Variants in ASTN2 observed in about 807,000 individuals in gnomAD.
The protein encoded by ASTN2 is astrotactin-2.
In ASTN2, 54 loss-of-function variants were observed where a neutral mutation model predicts 139.8. The observed-to-expected ratio is 0.39, with a 90% CI of 0.31 to 0.48. The LOEUF is 0.48. Among genes scored for constraint, ASTN2 ranks in the 20% least tolerant of loss-of-function variants. ASTN2 has a pLI of 0.95. For synonymous variants in ASTN2, 756 were observed against 719.5 expected, an observed-to-expected ratio of 1.05 and a Z score of -0.81; for missense variants, 1,565 against 1,725.1, an observed-to-expected ratio of 0.91 and a Z score of 1.64.
chr9:117,360,189 T>C (rs1333693224), intron 1 of ASTN2, among the ~76,000 whole-genome samples: 1 of 152,164 alleles, frequency 6.6e-6, no homozygotes, highest in East Asian at 1.9e-4. Flanking sequence ...CTGAATATGT[T>C]TGGCTCTGTG....
chr9:116,511,464 CATT>C (rs1850375080), intron 19 of ASTN2, among the ~76,000 whole-genome samples: 1 of 152,068 alleles, frequency 6.6e-6, no homozygotes, highest in African/African-American at 2.4e-5. Context: ...CTAAAATTAT[CATT>C]TTTTGTTGTG....
intron 11 of ASTN2, among the ~76,000 whole-genome samples, chr9:116,833,895 G>C (rs1018833264): frequency 1.1e-4 from 16 of 152,162 alleles, no homozygotes; most frequent in Non-Finnish European, 1.9e-4. Context: ...CTCACAAGAA[G>C]AGGATGGGAG....
intron 4 of ASTN2, among the ~76,000 whole-genome samples, chr9:117,106,151 A>G (rs1037614039): frequency 2.0e-5 from 3 of 152,150 alleles, no homozygotes; most frequent in Admixed American, 1.3e-4. Context: ...GCTTCCCTTT[A>G]TGATGGTCCT....
intron 17 of ASTN2, among the ~76,000 whole-genome samples, chr9:116,635,418 A>G (rs1334749462): frequency 6.6e-6 from 1 of 152,236 alleles, no homozygotes; most frequent in Non-Finnish European, 1.5e-5. Flanking sequence ...CTCACTGGTA[A>G]GTCTGTTCAC....
At chr9:116,836,721 G>T (rs1832006679) in intron 11 of ASTN2, among the ~76,000 whole-genome samples, 1 of 152,004 alleles carries the variant, frequency 6.6e-6, no homozygotes, top group Non-Finnish European at 1.5e-5. Context: ...GTCTTTCCTT[G>T]GGTCCCAAAG....
chr9:117,075,795 TA>T (rs1828265863), intron 5 of ASTN2, among the ~76,000 whole-genome samples: 3 of 152,214 alleles, frequency 2.0e-5, no homozygotes, highest in Non-Finnish European at 4.4e-5. Context: ...TGCTGTTTAC[TA>T]AAACTGTGAC....
intron 1 of ASTN2, among the ~76,000 whole-genome samples, chr9:117,350,378 G>A (rs1053983681): frequency 4.0e-5 from 6 of 151,850 alleles, no homozygotes; most frequent in South Asian, 2.1e-4. Context: ...GTAAAACCCC[G>A]TCTCTATTAA....
intron 19 of ASTN2, among the ~76,000 whole-genome samples, chr9:116,529,179 C>G (rs1851218493): frequency 6.6e-6 from 1 of 152,140 alleles, no homozygotes; most frequent in South Asian, 2.1e-4. Flanking sequence ...GTGAAAGTAG[C>G]CATGGGGGCT....
intron 4 of ASTN2, among the ~76,000 whole-genome samples, chr9:117,120,577 A>T (rs773613824): frequency 1.2e-4 from 18 of 152,218 alleles, no homozygotes; most frequent in Non-Finnish European, 2.2e-4. Context: ...TCCAGGTAAC[A>T]GAATGGAGTC....
chr9:117,382,921 G>A (rs1306868413), intron 1 of ASTN2, among the ~76,000 whole-genome samples: 1 of 152,134 alleles, frequency 6.6e-6, no homozygotes, highest in Non-Finnish European at 1.5e-5. Flanking sequence ...AAAGATGTCA[G>A]AAACAAAAGA....
At chr9:117,348,282 C>A (rs992975793) in intron 1 of ASTN2, among the ~76,000 whole-genome samples, 4 of 152,168 alleles carry the variant, frequency 2.6e-5, no homozygotes, top group African/African-American at 9.6e-5. Context: ...GGATGCCAAA[C>A]AACTGAGAAC....
In ASTN2 at chr9:117,211,559, T is replaced by C. The variant is rs138985312; in HGVS notation, c.1015+2799A>G. Among the ~76,000 whole-genome samples the C allele has an allele frequency of 5.0e-3, 755 of 152,298 alleles. 2 individuals carry two copies. The highest frequency in any genetic ancestry group is 7.7e-3 in the Non-Finnish European group (524 of 68,014). ...TCTTTTGCCATTACTGTAAGTTTCCTGAGGCCTCCCCAACCGTGCCTCCTG... is the reference window on the plus strand; with the variant it reads ...TCTTTTGCCATTACTGTAAGTTTCCCGAGGCCTCCCCAACCGTGCCTCCTG... On this transcript the variant is annotated intron_variant, in intron 3 of 22. Coordinates refer to ENST00000313400, the MANE Select transcript of ASTN2 (RefSeq NM_001365068.1).
At position 116,846,280 on chromosome 9, in the gene ASTN2, A is replaced by C. The variant is rs76660930; in HGVS notation, c.2040+17303T>G. Among the ~76,000 whole-genome samples, 708 of 152,286 alleles carry C rather than the reference A, an allele frequency of 4.6e-3. 5 individuals carry two copies. Among genetic ancestry groups the C allele is most frequent in the Non-Finnish European group, 5.7e-3 (391 of 68,010 alleles). Reference sequence around the variant, plus strand: ...AAGTGCTGTAGATTGGGTGTACAACAATGTGAATTTGCATCACGCTACCAA... The same window carrying C: ...AAGTGCTGTAGATTGGGTGTACAACCATGTGAATTTGCATCACGCTACCAA... On this transcript the variant is annotated intron_variant, in intron 11 of 22. Transcript: ENST00000313400.
intron 19 of ASTN2, among the ~76,000 whole-genome samples, chr9:116,541,307 TATAAC>T (rs1851868210): frequency 6.6e-6 from 1 of 152,134 alleles, no homozygotes; most frequent in African/African-American, 2.4e-5. Flanking sequence ...TAACTGATAA[TATAAC>T]ATTTTGGTAT....
chr9:117,060,243 G>A (rs1222094180), intron 5 of ASTN2, among the ~76,000 whole-genome samples: 2 of 150,126 alleles, frequency 1.3e-5, no homozygotes, highest in African/African-American at 4.9e-5. Context: ...CCTGGGAGGT[G>A]GAGTTTACAG....
intron 19 of ASTN2, 124 bp from the exon 20 acceptor site, chr9:116,487,624 G>T: frequency 2.1e-6 from 2 of 962,532 alleles, no homozygotes; most frequent in Non-Finnish European, 2.9e-6. Context: ...GATAGAAAAA[G>T]CAAAAGATAT....
At chr9:117,036,863 C>T (rs1407088423) in intron 6 of ASTN2, among the ~76,000 whole-genome samples, 3 of 152,148 alleles carry the variant, frequency 2.0e-5, no homozygotes, top group Admixed American at 1.3e-4. Context: ...ATGAAAACTG[C>T]TTGTTTCACA....
intron 4 of ASTN2, among the ~76,000 whole-genome samples, chr9:117,133,191 C>T (rs939330637): frequency 2.0e-5 from 3 of 152,170 alleles, no homozygotes; most frequent in African/African-American, 4.8e-5. Context: ...TAGCCCATCA[C>T]CTTTGCTTTC....
At chr9:117,392,171 TGA>T (rs1318476401) in intron 1 of ASTN2, among the ~76,000 whole-genome samples, 3 of 152,180 alleles carry the variant, frequency 2.0e-5, no homozygotes, top group African/African-American at 7.2e-5. Flanking sequence ...AGACAGAATC[TGA>T]GAGACCAATT....
Sources: gnomAD v4.1 joint callset for allele counts (sites outside exome capture counted in the v4.1 genomes callset) on GRCh38, gnomAD v4.1.1 for gene constraint, MANE v1.5 for transcripts, NCBI Gene and HGNC (gene_info 2026-07-23, HGNC 2026-07-21) for gene names.